MAP3K1: variants seen among roughly 807,000 people sequenced by gnomAD.
The protein encoded by MAP3K1 is mitogen-activated protein kinase kinase kinase 1, also known as MAP/ERK kinase kinase 1.
In MAP3K1, 36 loss-of-function variants were observed where a neutral mutation model predicts 144.2. The ratio of observed to expected loss-of-function variants is 0.25; its 90% confidence interval spans 0.19 to 0.33. The LOEUF is 0.33. Ranked by LOEUF, MAP3K1 falls within the 10% of genes least tolerant of loss-of-function variation. MAP3K1 has a pLI of 1.00. For missense variants in MAP3K1, 1,650 were observed against 1,881.9 expected, an observed-to-expected ratio of 0.88 and a Z score of 2.28; for synonymous variants, 718 against 688.7, an observed-to-expected ratio of 1.04 and a Z score of -0.67.
Position 56,815,682 on chromosome 5 carries a change from C to A in MAP3K1, c.109C>A (p.Pro37Thr). The change falls in exon 1 of 20, where the codon CCC becomes ACC. Residue 37 changes from proline (P) to threonine (T), a missense_variant. Coordinates refer to ENST00000399503, the MANE Select transcript of MAP3K1 (RefSeq NM_005921.2). ...AGGAGCCCTCAAGGCGAGCAGCGCG[C>A]CCGCGGCTGCCGCGGGACTGCTGCG... ...GGGALKASSA[P>T]AAAAGLLREA... 1 of 1,303,370 alleles carries A rather than the reference C, an allele frequency of 7.7e-7. No individual in the cohort carries two copies. The allele number at this position is 1,303,370 out of a possible 1,614,324, so 80.7% of individuals were successfully genotyped here. A position where few individuals can be genotyped will look rare whatever the true frequency, so the allele number is the denominator to read the frequency against.
In MAP3K1 at chr5:56,859,794, C is replaced by A. The variant is rs1747449184; in HGVS notation, c.713C>A (p.Ala238Glu). 6.2e-7 allele frequency: 1 copy of A among 1,613,916 alleles called. No individual in the cohort carries two copies. The highest frequency in any genetic ancestry group is 1.3e-5 in the African/African-American group (1 of 74,912). Residue 238 changes from alanine (A) to glutamate (E), a missense_variant, in exon 3 of 20, where the codon GCA becomes GAA. Transcript: ENST00000399503. ...LAAESPGEVQASAASPASKGR... is the reference protein window; with the variant it reads ...LAAESPGEVQESAASPASKGR... ...GCTGAGTCTCCAGGAGAGGTCCAGG[C>A]AAGTGCGGCTTCACCAGCTTCCAAA...
At chr5:56,889,312 G>A (rs1420627406) in intron 19 of MAP3K1, among the ~76,000 whole-genome samples, 1 of 152,090 alleles carries the variant, frequency 6.6e-6, no homozygotes, top group Non-Finnish European at 1.5e-5. Flanking sequence ...GAGACTACAG[G>A]CACGCGCCAC....
chr5:56,821,968 A>G (rs964710707), intron 1 of MAP3K1, among the ~76,000 whole-genome samples: 8 of 152,182 alleles, frequency 5.3e-5, no homozygotes, highest in Admixed American at 2.0e-4. Context: ...GCTTAAGACG[A>G]GTTTTGAAGG....
chr5:56,856,612 G>A lies in MAP3K1; in HGVS notation c.495G>A (p.Glu165=). 6.2e-7 allele frequency: 1 copy of A among 1,613,546 alleles called. No homozygotes were observed. The highest frequency in any genetic ancestry group is 2.2e-5 in the East Asian group (1 of 44,866). ...GCCTGCATTTTAGTCGTGAGATGGA[G>A]AATAAAGAAACTCTCAAAGGGTTGC... is the stretch of plus-strand genomic sequence containing the variant. ...PAAAPAGREM[E]NKETLKGLHK... is the part of the protein sequence containing the mutation. The change falls in exon 2 of 20, where the codon GAG becomes GAA. Residue 165 remains glutamate (E), a synonymous_variant. Transcript: ENST00000399503.
At chr5:56,816,161 G>A in intron 1 of MAP3K1, 106 bp downstream of exon 1, 1 of 1,094,108 alleles carries the variant, frequency 9.1e-7, no homozygotes, top group Non-Finnish European at 1.1e-6. Context: ...GCGCAGCGAG[G>A]CTACGCGCCG....
intron 1 of MAP3K1, among the ~76,000 whole-genome samples, chr5:56,839,454 A>AT (rs758938886): frequency 3.9e-5 from 6 of 152,224 alleles, no homozygotes; most frequent in Non-Finnish European, 8.8e-5. Flanking sequence ...GGGGTGATAG[A>AT]TTAAGATCCT....
intron 1 of MAP3K1, among the ~76,000 whole-genome samples, chr5:56,825,933 G>A (rs760175964): frequency 6.6e-6 from 1 of 151,120 alleles, no homozygotes. Flanking sequence ...TTTCAGCATC[G>A]TGCTCAGTTT....
At chr5:56,859,955 T>A in intron 3 of MAP3K1, 40 bp downstream of exon 3, 1 of 1,488,290 alleles carries the variant, frequency 6.7e-7, no homozygotes, top group South Asian at 1.2e-5. Flanking sequence ...TTTTTATAAT[T>A]TTTAGCTTCA....
chr5:56,817,014 C>G, intron 1 of MAP3K1: 1 of 973,162 alleles, frequency 1.0e-6, no homozygotes, highest in South Asian at 4.8e-5. Context: ...GCTTCCTGCT[C>G]GGTGCCCTGG....
chr5:56,821,508 G>A (rs1320348974), intron 1 of MAP3K1, among the ~76,000 whole-genome samples: 1 of 152,212 alleles, frequency 6.6e-6, no homozygotes, highest in African/African-American at 2.4e-5. Flanking sequence ...AACAGGGTCA[G>A]TACTGGGGTG....
At position 56,892,253 on chromosome 5, in the gene MAP3K1, G is replaced by T. The variant is rs1748571743; in HGVS notation, c.4390-1278G>T. Among the ~76,000 whole-genome samples the T allele has an allele frequency of 1.3e-5, 2 of 152,104 alleles. 1 individual carries two copies. The highest frequency in any genetic ancestry group is 4.1e-4 in the South Asian group (2 of 4,830). Reference sequence around the variant, plus strand: ...CTTGAAGAGGTCCTTCACATCCCTTGTAAGTTGGATTCCTAGGTATTTTAT... The same window carrying T: ...CTTGAAGAGGTCCTTCACATCCCTTTTAAGTTGGATTCCTAGGTATTTTAT... On this transcript the variant is annotated intron_variant, in intron 19 of 19. Transcript: ENST00000399503.
At chr5:56,855,511 G>C (rs556307969) in intron 1 of MAP3K1, among the ~76,000 whole-genome samples, 2 of 152,280 alleles carry the variant, frequency 1.3e-5, no homozygotes, top group East Asian at 3.9e-4. Context: ...TCACAGTCTT[G>C]ATGCTTCAGT....
At chr5:56,890,293 T>C (rs1216757289) in intron 19 of MAP3K1, among the ~76,000 whole-genome samples, 1 of 152,200 alleles carries the variant, frequency 6.6e-6, no homozygotes, top group Non-Finnish European at 1.5e-5. Flanking sequence ...GAAACAATTG[T>C]AAATAATTTT....
intron 3 of MAP3K1, among the ~76,000 whole-genome samples, chr5:56,860,985 T>C (rs966858296): frequency 7.2e-5 from 11 of 151,980 alleles, no homozygotes; most frequent in Non-Finnish European, 8.8e-5. Context: ...CTCCCAGTGC[T>C]TAGACTTTTC....
At chr5:56,887,648 A>G in intron 18 of MAP3K1, 128 bp downstream of exon 18, 1 of 987,382 alleles carries the variant, frequency 1.0e-6, no homozygotes, top group South Asian at 1.3e-5. Context: ...CCCTTAAAAT[A>G]CGGTTTTAAT....
At position 56,815,822 on chromosome 5, in the gene MAP3K1, A is replaced by C. The variant is rs1284602674; in HGVS notation, c.249A>C (p.Ser83=). ...AGCAGCCGCTCTTCCTTGCCGCCTC[A>C]CCGCCGGCCTCCTCGACTTCCCCGT... ...LPEQPLFLAA[S]PPASSTSPSP... Residue 83 remains serine (S), a synonymous_variant, in exon 1 of 20, where the codon TCA becomes TCC. Coordinates refer to ENST00000399503, the MANE Select transcript of MAP3K1 (RefSeq NM_005921.2). 1.4e-6 allele frequency: 2 copies of C among 1,416,916 alleles called. No homozygotes were observed. Among genetic ancestry groups the C allele is most frequent in the African/African-American group, 3.0e-5 (2 of 67,622 alleles). The allele number at this position is 1,416,916 out of a possible 1,614,324, so 87.8% of individuals were successfully genotyped here.
At chr5:56,887,583 A>G in intron 18 of MAP3K1, 63 bp downstream of exon 18, 3 of 1,567,994 alleles carry the variant, frequency 1.9e-6, no homozygotes, top group Non-Finnish European at 2.6e-6. Flanking sequence ...ACAGCATTAT[A>G]CTAAATTATC....
At chr5:56,822,722 C>T (rs1014629860) in intron 1 of MAP3K1, among the ~76,000 whole-genome samples, 1 of 151,164 alleles carries the variant, frequency 6.6e-6, no homozygotes, top group Non-Finnish European at 1.5e-5. Context: ...ATTGTCCTAA[C>T]CATGATCTCT....
At position 56,881,873 on chromosome 5, in the gene MAP3K1, C is replaced by A; in HGVS notation, c.2673C>A (p.Asn891Lys). The change falls in exon 14 of 20, where the codon AAC (asparagine) becomes AAA (lysine). Residue 891 changes from asparagine to lysine, a missense_variant. Transcript: ENST00000399503. ...GCTTCTTGCAGGCATCTGTTCCCAA[C>A]AACTATCTGGAAACCACAGAGAACA... Reference protein sequence around the residue: ...QDSFLQASVPNNYLETTENSS... With the variant: ...QDSFLQASVPKNYLETTENSS... 2 of 1,614,116 alleles carry A rather than the reference C, an allele frequency of 1.2e-6. No homozygotes were observed. The highest frequency in any genetic ancestry group is 1.7e-6 in the Non-Finnish European group (2 of 1,180,020).
Sources: gnomAD v4.1 joint callset for allele counts (sites outside exome capture counted in the v4.1 genomes callset) on GRCh38, gnomAD v4.1.1 for gene constraint, MANE v1.5 for transcripts, NCBI Gene and HGNC (gene_info 2026-07-23, HGNC 2026-07-21) for gene names.